Variants in DSTYK observed in about 807,000 individuals in gnomAD.
The protein encoded by DSTYK is RIP-homologous kinase.
Under a neutral mutation model 98.7 loss-of-function variants are expected in DSTYK, and 34 were observed. That is an observed-to-expected ratio of 0.34 (90% CI 0.26 to 0.46). The LOEUF (loss-of-function observed/expected upper bound fraction) is 0.46, where lower values mean the gene tolerates loss of function less well. Among genes scored for constraint, DSTYK ranks in the 20% least tolerant of loss-of-function variants. DSTYK has a pLI of 1.00. For synonymous variants in DSTYK, 462 were observed against 457.3 expected, an observed-to-expected ratio of 1.01 and a Z score of -0.13; for missense variants, 962 against 1,181.7, an observed-to-expected ratio of 0.81 and a Z score of 2.73.
Position 205,162,988 on chromosome 1 carries a change from G to T in DSTYK, c.1576C>A (p.His526Asn). The change falls in exon 5 of 13, where the codon CAT (histidine) becomes AAT (asparagine). Residue 526 changes from histidine to asparagine, a missense_variant. Physicochemically the swap from His to Asn is moderately conservative, Grantham distance 68. This residue lies in a region of DSTYK where 660 missense variants were observed against 855.0 expected (regional missense o/e 0.77). Transcript: ENST00000367162. ...CCTGAGTGAAACGTGACTTCAACAT[G>T]ATAGGCAGCATTTAAGATCTGAAAG... ...YLKQILNAAY[H>N]VEVTFHSGSS... The T allele has an allele frequency of 5.6e-6, 9 of 1,614,034 alleles. No homozygotes were observed. Among genetic ancestry groups the T allele is most frequent in the Non-Finnish European group, 7.6e-6 (9 of 1,179,948 alleles).
intron 3 of DSTYK, 54 bp from the exon 4 acceptor site, chr1:205,164,009 A>T (rs933925875): frequency 1.0e-4 from 154 of 1,478,318 alleles, no homozygotes; most frequent in Non-Finnish European, 1.4e-4. Flanking sequence ...GGGCAGACAC[A>T]CTAAATAAAG....
intron 2 of DSTYK, among the ~76,000 whole-genome samples, chr1:205,184,642 C>T (rs757636312): frequency 6.6e-6 from 1 of 152,070 alleles, no homozygotes; most frequent in Non-Finnish European, 1.5e-5. Context: ...TTTTTTGAGA[C>T]AGGGTCTCAT....
chr1:205,184,761 C>T (rs1658517065), intron 2 of DSTYK, among the ~76,000 whole-genome samples: 2 of 152,176 alleles, frequency 1.3e-5, no homozygotes, highest in South Asian at 4.1e-4. Context: ...GCTCAGACCA[C>T]AGGTGTGTAC....
chr1:205,191,540 A>G (rs1158747998), intron 1 of DSTYK, among the ~76,000 whole-genome samples: 1 of 152,198 alleles, frequency 6.6e-6, no homozygotes, highest in African/African-American at 2.4e-5. Context: ...CATGCTTTCC[A>G]GTTCTAAAAT....
intron 10 of DSTYK, among the ~76,000 whole-genome samples, chr1:205,152,246 C>T (rs1324281591): frequency 2.0e-5 from 3 of 152,200 alleles, no homozygotes; most frequent in Non-Finnish European, 2.9e-5. Context: ...GGCATGATCT[C>T]GGCTCATCGC....
intron 2 of DSTYK, among the ~76,000 whole-genome samples, chr1:205,176,476 TAAAAA>T (rs61291677): frequency 0.064 from 2,759 of 43,364 alleles, 103 homozygotes; most frequent in East Asian, 0.19. Flanking sequence ...AACTCCCTCT[TAAAAA>T]AAAAAAAAAA....
rs368469006 is a variant in DSTYK, at chr1:205,148,343, A to G, written c.2468-4T>C. 3.7e-5 allele frequency: 59 copies of G among 1,613,452 alleles called. No individual in the cohort carries two copies. The Middle Eastern group carries it at 1.3e-3, about 36-fold the overall frequency. ...TCCACGGAATTATCGTACTTCCCTG[A>G]TGGCAAGAAAGGATGAAACGTAATG... On this transcript the variant is annotated splice_region_variant and splice_polypyrimidine_tract_variant and intron_variant, in intron 11 of 12. Transcript: ENST00000367162.
At position 205,145,828 on chromosome 1, in the gene DSTYK, C is replaced by T. The variant is rs753065732; in HGVS notation, c.*1730G>A. On this transcript the variant is annotated 3_prime_UTR_variant, in exon 13 of 13. Coordinates refer to ENST00000367162, the MANE Select transcript of DSTYK (RefSeq NM_015375.3). ...TACTCACTTCCACTGTCTACTTCCT[C>T]GTCTACCTGTTTTTCGGAATCTAAT... is the stretch of plus-strand genomic sequence containing the variant. 5.3e-5 allele frequency: 8 copies of T among 152,200 alleles called. No homozygotes were observed. Among genetic ancestry groups the T allele is most frequent in the South Asian group, 2.1e-4 (1 of 4,830 alleles). The allele number at this position is 152,200 out of a possible 1,614,324, so 9.4% of individuals were successfully genotyped here.
intron 1 of DSTYK, among the ~76,000 whole-genome samples, chr1:205,199,700 C>T (rs76935361): frequency 0.029 from 4,369 of 152,204 alleles, 199 homozygotes; most frequent in African/African-American, 0.094. Flanking sequence ...GACTCGCCCT[C>T]TGTAGTCTTG....
intron 3 of DSTYK, among the ~76,000 whole-genome samples, chr1:205,164,341 G>A (rs1657823007): frequency 6.6e-6 from 1 of 152,034 alleles, no homozygotes; most frequent in East Asian, 1.9e-4. Context: ...AGGAAGTAGA[G>A]GCTACAATGA....
intron 1 of DSTYK, among the ~76,000 whole-genome samples, chr1:205,193,596 C>A (rs1255710661): frequency 3.3e-5 from 5 of 152,140 alleles, no homozygotes; most frequent in Admixed American, 2.0e-4. Flanking sequence ...CCTGGCCGGG[C>A]ACAGTGGCTC....
intron 2 of DSTYK, among the ~76,000 whole-genome samples, chr1:205,171,523 G>A (rs1658064715): frequency 1.3e-5 from 2 of 150,534 alleles, no homozygotes; most frequent in South Asian, 4.2e-4. Flanking sequence ...CAGGTCCTTT[G>A]CCTCGTCTGC....
intron 1 of DSTYK, among the ~76,000 whole-genome samples, chr1:205,189,791 A>G (rs1052101516): frequency 2.0e-5 from 3 of 152,202 alleles, no homozygotes; most frequent in Non-Finnish European, 4.4e-5. Flanking sequence ...GCACATATAC[A>G]TCAGCAACAC....
rs772006139 is a variant in DSTYK at position 205,159,630 on chromosome 1, C to T, written c.2155G>A (p.Asp719Asn). 6.2e-7 allele frequency: 1 copy of T among 1,613,842 alleles called. No individual in the cohort carries two copies. Among genetic ancestry groups the T allele is most frequent in the African/African-American group, 1.3e-5 (1 of 75,022 alleles). ...RLVDLHGSVIDYNYGGGSSIA... is the reference protein window; with the variant it reads ...RLVDLHGSVINYNYGGGSSIA... ...CTGGAGCCACCACCATAGTTGTAGT[C>T]AATGACTGAACCATGGAGATCCACC... Residue 719 changes from aspartate (D) to asparagine (N), a missense_variant, in exon 9 of 13, where the codon GAC (aspartate) becomes AAC (asparagine). This residue lies in a region of DSTYK where 660 missense variants were observed against 855.0 expected (regional missense o/e 0.77). Coordinates refer to ENST00000367162, the MANE Select transcript of DSTYK (RefSeq NM_015375.3).
Position 205,147,601 on chromosome 1 carries a change from G to A in DSTYK, c.2747C>T (p.Ser916Phe), listed in dbSNP as rs151054719. Residue 916 changes from serine to phenylalanine, a missense_variant, in exon 13 of 13, where the codon TCC becomes TTC. By Grantham distance (155) the Ser-to-Phe change is radical (BLOSUM62 -2). Transcript: ENST00000367162. The part of the protein sequence containing the change: ...LQGIMNRLCK[S>F]NSEQPNRGLD... ...TCCTCTGTTTGGCTGCTCAGAATTG[G>A]ACTTGCAGAGCCGATTCATGATGCC... 206 of 1,613,748 alleles carry A rather than the reference G, an allele frequency of 1.3e-4. No individual in the cohort carries two copies. The African/African-American group carries it at 2.4e-3, about 19-fold the overall frequency.
chr1:205,183,670 C>A (rs551325020), intron 2 of DSTYK, among the ~76,000 whole-genome samples: 1 of 152,326 alleles, frequency 6.6e-6, no homozygotes, highest in African/African-American at 2.4e-5. Flanking sequence ...AGAGCTAACT[C>A]ACTGGTCCTA....
intron 1 of DSTYK, among the ~76,000 whole-genome samples, chr1:205,210,457 C>T (rs187919146): frequency 6.6e-6 from 1 of 152,154 alleles, no homozygotes; most frequent in South Asian, 2.1e-4. Flanking sequence ...TAATTAGACG[C>T]AGTAGTTAAC....
intron 9 of DSTYK, 138 bp downstream of exon 9, chr1:205,159,409 T>G (rs1657651149): frequency 4.3e-6 from 5 of 1,165,954 alleles, no homozygotes; most frequent in Non-Finnish European, 5.9e-6. Context: ...TAAGGGTTTT[T>G]GGAAATAAGT....
At chr1:205,211,199 G>T in intron 1 of DSTYK, 72 bp downstream of exon 1, 3 of 1,496,154 alleles carry the variant, frequency 2.0e-6, no homozygotes, top group East Asian at 2.4e-5. Context: ...GGCTTGTTTT[G>T]CAGGGCAGGG....
Sources: allele counts gnomAD v4.1 joint callset (sites outside exome capture counted in the v4.1 genomes callset), GRCh38; gene constraint gnomAD v4.1.1; regional missense constraint gnomAD v4.1.1; transcripts MANE v1.5; gene names NCBI Gene and HGNC (gene_info 2026-07-23, HGNC 2026-07-21).